Variants in POM121C observed in about 807,000 individuals in gnomAD.
The protein encoded by POM121C is nuclear envelope pore membrane protein POM 121C.
A neutral mutation model predicts 66.4 loss-of-function variants in POM121C; 20 were observed. The ratio of observed to expected loss-of-function variants is 0.30; its 90% CI spans 0.21 to 0.44. POM121C has a LOEUF of 0.44. POM121C is among the 20% of genes least tolerant of loss of function. The probability of loss-of-function intolerance (pLI) is 1.00; values close to 1 mark genes in which losing one functional copy is unlikely to be tolerated. For missense variants in POM121C, 580 were observed against 1,225.7 expected, an observed-to-expected ratio of 0.47 and a Z score of 7.87; for synonymous variants, 286 against 528.0, an observed-to-expected ratio of 0.54 and a Z score of 6.28.
chr7:75,424,160 G>A lies in POM121C; in HGVS notation c.937C>T (p.Pro313Ser). The part of the protein sequence containing the change: ...TTQPSFTFTL[P>S]AAATASPPTS... Reference sequence around the variant, plus strand: ...GGTGGGGAGGCAGTTGCAGCAGCAGGCAGGGTAAAGGTAAATGAAGGCTGA... The same window carrying A: ...GGTGGGGAGGCAGTTGCAGCAGCAGACAGGGTAAAGGTAAATGAAGGCTGA... Residue 313 changes from proline (P) to serine (S), a missense_variant, in exon 12 of 15, where the codon CCT becomes TCT. By Grantham distance (74) the Pro-to-Ser change is moderately conservative (BLOSUM62 -1). Transcript: ENST00000615331. The A allele has an allele frequency of 6.2e-7, 1 of 1,612,048 alleles. No homozygotes were observed. The highest frequency in any genetic ancestry group is 8.5e-7 in the Non-Finnish European group (1 of 1,179,872).
chr7:75,457,823 G>A (rs1791291638), intron 3 of POM121C, among the ~76,000 whole-genome samples: 1 of 152,222 alleles, frequency 6.6e-6, no homozygotes, highest in South Asian at 2.1e-4. Context: ...GTACATTTCT[G>A]TTACATTCGG....
chr7:75,449,748 G>T (rs1412696771), intron 3 of POM121C, among the ~76,000 whole-genome samples: 5 of 152,100 alleles, frequency 3.3e-5, no homozygotes, highest in African/African-American at 1.2e-4. Context: ...AGGCACGGTG[G>T]CTCATGCCTA....
intron 10 of POM121C, 87 bp from the exon 11 acceptor site, chr7:75,424,715 C>T (rs111788483): frequency 5.8e-6 from 9 of 1,551,684 alleles, no homozygotes; most frequent in Admixed American, 1.7e-5. Context: ...TCTCAGCACT[C>T]TGGGAGGCCA....
chr7:75,470,566 C>T (rs1297883502), intron 3 of POM121C, among the ~76,000 whole-genome samples: 6 of 152,042 alleles, frequency 3.9e-5, no homozygotes, highest in Non-Finnish European at 8.8e-5. Flanking sequence ...TCAAGCAATC[C>T]TCTTTTACCT....
chr7:75,454,604 G>A (rs1554476100), intron 3 of POM121C, among the ~76,000 whole-genome samples: 1 of 152,208 alleles, frequency 6.6e-6, no homozygotes, highest in East Asian at 1.9e-4. Context: ...TGACAGTAGG[G>A]AAAAGCTGCA....
At position 75,481,034 on chromosome 7, in the gene POM121C, T is replaced by A. The variant is rs587757161; in HGVS notation, c.-458+4830A>T. On this transcript the variant is annotated intron_variant, in intron 1 of 14. Transcript: ENST00000615331. ...CCACTCTCAAATAGTTCAAAAAATA[T>A]ATATATATATATAAATATATATATA... Among the ~76,000 whole-genome samples the A allele has an allele frequency of 3.1e-3, 457 of 147,478 alleles. 2 individuals carry two copies. The highest frequency in any genetic ancestry group is 3.6e-3 in the Middle Eastern group (1 of 280).
intron 3 of POM121C, among the ~76,000 whole-genome samples, chr7:75,452,370 G>C (rs1193994809): frequency 3.3e-5 from 5 of 152,184 alleles, no homozygotes; most frequent in Non-Finnish European, 1.5e-5. Flanking sequence ...TGAGGCAGAA[G>C]AATCACTTGA....
intron 7 of POM121C, among the ~76,000 whole-genome samples, chr7:75,434,955 T>C (rs587615651): frequency 6.6e-6 from 1 of 152,102 alleles, no homozygotes; most frequent in African/African-American, 2.4e-5. Context: ...CAGGGAGAAA[T>C]GGTCCCTTTC....
At chr7:75,425,298 TC>T in intron 9 of POM121C, 103 bp from the exon 10 acceptor site, 1 of 791,552 alleles carries the variant, frequency 1.3e-6, no homozygotes, top group East Asian at 2.9e-5. Context: ...AATGATGGTA[TC>T]TCTGAAAAGA....
chr7:75,485,922 G>A lies in POM121C; in HGVS notation c.-516C>T, dbSNP rs1792522553. 1 of 498,580 alleles carries A rather than the reference G, an allele frequency of 2.0e-6. No individual in the cohort carries two copies. Among genetic ancestry groups the A allele is most frequent in the South Asian group, 1.4e-5 (1 of 69,000 alleles). 30.9% of individuals were successfully genotyped at this position (498,580 alleles called of 1,614,324 possible). A position where few individuals can be genotyped will look rare whatever the true frequency, so the allele number is the denominator to read the frequency against. On this transcript the variant is annotated 5_prime_UTR_variant, in exon 1 of 15. Coordinates refer to ENST00000615331, the MANE Select transcript of POM121C (RefSeq NM_001099415.3). Reference sequence around the variant, plus strand: ...TCCCGAGAGGCCGGGGCGGGCTGCTGTCGCTGGCGCGCGCGTCTGCTCGCG... The same window carrying A: ...TCCCGAGAGGCCGGGGCGGGCTGCTATCGCTGGCGCGCGCGTCTGCTCGCG...
intron 5 of POM121C, among the ~76,000 whole-genome samples, chr7:75,440,027 C>T (rs1790572068): frequency 6.6e-6 from 1 of 151,244 alleles, no homozygotes; most frequent in African/African-American, 2.4e-5. Context: ...ACTACAGGCA[C>T]CCACCACCAC....
intron 5 of POM121C, 30 bp downstream of exon 5, chr7:75,440,924 A>G (rs1790619771): frequency 1.9e-6 from 3 of 1,613,882 alleles, no homozygotes; most frequent in East Asian, 4.5e-5. Context: ...CAAGCGGGAA[A>G]CTGGCTTAGT....
intron 7 of POM121C, among the ~76,000 whole-genome samples, chr7:75,434,623 C>A (rs1554472872): frequency 6.8e-6 from 1 of 146,480 alleles, no homozygotes; most frequent in African/African-American, 2.5e-5. Context: ...CACTATGTTG[C>A]CCAGGCTGGA....
At chr7:75,461,169 C>A (rs1380193131) in intron 3 of POM121C, among the ~76,000 whole-genome samples, 1 of 152,068 alleles carries the variant, frequency 6.6e-6, no homozygotes, top group Non-Finnish European at 1.5e-5. Context: ...AGGGTCATTA[C>A]ATTGTAACAC....
chr7:75,425,814 C>A (rs79240018), intron 8 of POM121C, 106 bp from the exon 9 acceptor site: 193,640 of 983,366 alleles, frequency 0.2, 21,695 homozygotes, highest in Middle Eastern at 0.28. Context: ...TCTAAAACAA[C>A]CATCATTTAA....
chr7:75,484,662 CAAA>C (rs10690558), intron 1 of POM121C, among the ~76,000 whole-genome samples: 1 of 48,668 alleles, frequency 2.1e-5, no homozygotes, highest in African/African-American at 8.6e-5. Context: ...GACACTGTCT[CAAA>C]AAAAAAAAAA....
chr7:75,478,334 C>T (rs1432963490), intron 1 of POM121C, among the ~76,000 whole-genome samples: 3 of 152,108 alleles, frequency 2.0e-5, no homozygotes, highest in Admixed American at 2.0e-4. Flanking sequence ...GGGAAATAAA[C>T]AAGGTGAACC....
At chr7:75,453,820 T>A (rs1243032072) in intron 3 of POM121C, among the ~76,000 whole-genome samples, 2 of 151,778 alleles carry the variant, frequency 1.3e-5, no homozygotes, top group African/African-American at 4.8e-5. Context: ...CTGGAATCAT[T>A]TAGAGGCATC....
chr7:75,439,472 G>C (rs1563144217), intron 5 of POM121C, among the ~76,000 whole-genome samples: 3 of 152,014 alleles, frequency 2.0e-5, no homozygotes, highest in Non-Finnish European at 4.4e-5. Context: ...ACAAACCTCT[G>C]CCTCCCGGGT....
Sources: gnomAD v4.1 joint callset for allele counts (sites outside exome capture counted in the v4.1 genomes callset) on GRCh38, gnomAD v4.1.1 for gene constraint, MANE v1.5 for transcripts, NCBI Gene and HGNC (gene_info 2026-07-23, HGNC 2026-07-21) for gene names.